Variants in SHANK2 observed in about 807,000 individuals in gnomAD.
SHANK2 encodes SH3 and multiple ankyrin repeat domains protein 2.
In SHANK2, 43 loss-of-function variants were observed where a neutral mutation model predicts 133.7. The observed-to-expected ratio is 0.32, with a 90% CI of 0.25 to 0.41. The LOEUF (loss-of-function observed/expected upper bound fraction) is 0.41. SHANK2 is among the 10% of genes least tolerant of loss of function. The pLI is 1.00. For synonymous variants in SHANK2, 1,017 were observed against 952.8 expected (o/e 1.07, Z -1.24); for missense variants, 1,994 against 2,235.8 (o/e 0.89, Z 2.18).
intron 17 of SHANK2, among the ~76,000 whole-genome samples, chr11:70,555,927 G>GATC (rs1847262991): frequency 6.6e-6 from 1 of 152,214 alleles, no homozygotes; most frequent in Non-Finnish European, 1.5e-5. Flanking sequence ...AGAGAGGTGA[G>GATC]TAAGCTGCAG....
chr11:71,138,118 ACC>A (rs1222768705), intron 3 of SHANK2, among the ~76,000 whole-genome samples: 1 of 61,134 alleles, frequency 1.6e-5, no homozygotes. Flanking sequence ...ACAGTAACGA[ACC>A]ACACCCCTGC....
chr11:70,557,221 A>G (rs2059844861), intron 17 of SHANK2, among the ~76,000 whole-genome samples: 1 of 152,088 alleles, frequency 6.6e-6, no homozygotes, highest in South Asian at 2.1e-4. Flanking sequence ...AGTGCCTCCT[A>G]GATGCAGGCT....
rs185480946 is a variant in SHANK2, at chr11:70,854,502, T to C, written c.1175-33820A>G. ...CCCCAGTGGCCCACATTCAGCCCTG[T>C]AGCTTGAAATCCAACTGAGCGCATG... On this transcript the variant is annotated intron_variant, in intron 11 of 25. Transcript: ENST00000601538. Among the ~76,000 whole-genome samples, 5 of 152,144 alleles carry C rather than the reference T, an allele frequency of 3.3e-5. No homozygotes were observed. The East Asian group carries it at 7.8e-4, about 24-fold the overall frequency.
At chr11:70,679,893 G>T (rs1257202660) in intron 15 of SHANK2, among the ~76,000 whole-genome samples, 1 of 152,200 alleles carries the variant, frequency 6.6e-6, no homozygotes, top group South Asian at 2.1e-4. Context: ...AATCCACAGA[G>T]CCCAGGGTGA....
chr11:70,856,212 G>A (rs1949169198), intron 11 of SHANK2, among the ~76,000 whole-genome samples: 3 of 151,834 alleles, frequency 2.0e-5, no homozygotes, highest in African/African-American at 4.8e-5. Context: ...ATGGGTAGAT[G>A]GATGAATGAA....
At chr11:70,798,230 C>T (rs781932421) in intron 14 of SHANK2, among the ~76,000 whole-genome samples, 3 of 152,214 alleles carry the variant, frequency 2.0e-5, no homozygotes, top group Non-Finnish European at 2.9e-5. Context: ...TAACTAAAAG[C>T]TTCCACACCA....
chr11:71,137,678 G>C (rs1952473640), intron 3 of SHANK2, among the ~76,000 whole-genome samples: 1 of 152,204 alleles, frequency 6.6e-6, no homozygotes, highest in South Asian at 2.1e-4. Flanking sequence ...GAATGCAGCA[G>C]AAGGCAAATC....
Position 71,152,210 on chromosome 11 carries a change from T to G in SHANK2, c.-12-4872A>C, listed in dbSNP as rs138883364. Among the ~76,000 whole-genome samples, 1,011 of 152,274 alleles carry G rather than the reference T, an allele frequency of 6.6e-3. 8 individuals carry two copies. The highest frequency in any genetic ancestry group is 0.023 in the African/African-American group (970 of 41,564). ...TCACTGCAACCTCCGCCTCCCAGGT[T>G]CAAGTCATTCTCCTGCCTCAGCCTC... On this transcript the variant is annotated intron_variant, in intron 2 of 25. Coordinates refer to ENST00000601538, the MANE Select transcript of SHANK2 (RefSeq NM_012309.5).
chr11:70,716,864 C>A (rs1045418898), intron 14 of SHANK2, among the ~76,000 whole-genome samples: 2 of 151,494 alleles, frequency 1.3e-5, no homozygotes, highest in African/African-American at 2.4e-5. Context: ...CGGTGGCAGG[C>A]GCCTCACATC....
rs536582144 is a variant in SHANK2, at chr11:70,867,348, C to T, written c.1174+29153G>A. Among the ~76,000 whole-genome samples, 69 of 152,314 alleles carry T rather than the reference C, an allele frequency of 4.5e-4. 2 individuals are homozygous for T. The South Asian group carries it at 0.013, about 29-fold the overall frequency. On this transcript the variant is annotated intron_variant, in intron 11 of 25. Coordinates refer to ENST00000601538, the MANE Select transcript of SHANK2 (RefSeq NM_012309.5). ...AGAGTGCACACGTCTTGGCTCCACACGGGCAGCAGGGCCGAGAGCAGGTCC... is the reference window on the plus strand; with the variant it reads ...AGAGTGCACACGTCTTGGCTCCACATGGGCAGCAGGGCCGAGAGCAGGTCC...
At chr11:70,537,041 G>T (rs2059552912) in intron 17 of SHANK2, among the ~76,000 whole-genome samples, 1 of 152,226 alleles carries the variant, frequency 6.6e-6, no homozygotes, top group Admixed American at 6.5e-5. Context: ...CCCAGATGAG[G>T]CTGGGGAGGG....
chr11:71,133,158 G>A (rs1273543258), intron 3 of SHANK2, among the ~76,000 whole-genome samples: 1 of 151,768 alleles, frequency 6.6e-6, no homozygotes, highest in African/African-American at 2.4e-5. Flanking sequence ...GAGGGAGGGA[G>A]GGGTGAGGTG....
chr11:70,736,545 C>A (rs1373101490), intron 14 of SHANK2, among the ~76,000 whole-genome samples: 22 of 152,188 alleles, frequency 1.4e-4, no homozygotes, highest in Admixed American at 1.2e-3. Context: ...AATAGGGCCA[C>A]AGCCGATGAA....
chr11:70,548,508 G>A (rs1271332558), intron 17 of SHANK2, among the ~76,000 whole-genome samples: 11 of 152,134 alleles, frequency 7.2e-5, no homozygotes, highest in East Asian at 3.9e-4. Context: ...GAGGCTGGCC[G>A]GCGCCTGTGC....
At chr11:70,826,502 AT>A (rs2135380537) in intron 11 of SHANK2, 1 of 470,996 alleles carries the variant, frequency 2.1e-6, no homozygotes. Flanking sequence ...CAAAGACTTC[AT>A]TTTCCCTCTG....
chr11:71,117,596 AG>A (rs1952002982), intron 4 of SHANK2, among the ~76,000 whole-genome samples: 1 of 99,368 alleles, frequency 1.0e-5, no homozygotes, highest in Non-Finnish European at 2.4e-5. Context: ...CACCATGGTC[AG>A]TGATTTCATC....
chr11:71,058,356 T>C (rs1445753459), intron 9 of SHANK2, among the ~76,000 whole-genome samples: 2 of 152,176 alleles, frequency 1.3e-5, no homozygotes, highest in African/African-American at 4.8e-5. Flanking sequence ...AGTGGTAGAA[T>C]GTTGACGTAG....
chr11:70,646,361 G>C (rs1490379278), intron 17 of SHANK2: 7 of 152,270 alleles, frequency 4.6e-5, no homozygotes, highest in African/African-American at 1.7e-4. Flanking sequence ...GCCCAATCAG[G>C]CTCTCTACTC....
chr11:70,933,520 T>C (rs1950529282), intron 10 of SHANK2, among the ~76,000 whole-genome samples: 1 of 152,240 alleles, frequency 6.6e-6, no homozygotes, highest in African/African-American at 2.4e-5. Flanking sequence ...TTTTAGGTTA[T>C]GTGTATTTGA....
Sources: gnomAD v4.1 joint callset for allele counts (sites outside exome capture counted in the v4.1 genomes callset) on GRCh38, gnomAD v4.1.1 for gene constraint, MANE v1.5 for transcripts, NCBI Gene and HGNC (gene_info 2026-07-23, HGNC 2026-07-21) for gene names.